MGST1: variants seen among roughly 807,000 people sequenced by gnomAD.
The protein encoded by MGST1 is glutathione S-transferase 12.
In MGST1, 5 loss-of-function variants were observed where a neutral mutation model predicts 8.9. The observed-to-expected ratio is 0.56, with a 90% confidence interval of 0.29 to 1.19. The LOEUF (loss-of-function observed/expected upper bound fraction) is 1.19. Ranked by LOEUF, MGST1 falls within the 50% of genes most tolerant of loss-of-function variation. The pLI, the probability that MGST1 is intolerant of heterozygous loss-of-function variation, is 0.08. For missense variants in MGST1, 182 were observed against 187.4 expected, an observed-to-expected ratio of 0.97 and a Z score of 0.17; for synonymous variants, 54 against 67.8, an observed-to-expected ratio of 0.80 and a Z score of 1.00.
intron 4 of MGST1, among the ~76,000 whole-genome samples, chr12:16,533,135 T>G (rs1458184439): frequency 6.6e-6 from 1 of 152,202 alleles, no homozygotes; most frequent in Admixed American, 6.5e-5. Flanking sequence ...GATTTTCTGG[T>G]TTTGCTTCAT....
Position 16,386,794 on chromosome 12 carries a change from C to T in MGST1, n.778+3190C>T, listed in dbSNP as rs73064191. ...TGGAAATTTCCAGAAATAAGCAACT[C>T]GTAAGTTTTAAATTGTGTGCCACTC... On this transcript the variant is annotated intron_variant and non_coding_transcript_variant, in intron 1 of 1. Coordinates refer to the MGST1 transcript ENST00000359720. Among the ~76,000 whole-genome samples the T allele has an allele frequency of 7.4e-3, 1,131 of 152,204 alleles. 10 individuals are homozygous for T. The highest frequency in any genetic ancestry group is 9.6e-3 in the Non-Finnish European group (654 of 68,006).
chr12:16,534,767 G>A (rs558764954), intron 4 of MGST1, among the ~76,000 whole-genome samples: 1 of 147,790 alleles, frequency 6.8e-6, no homozygotes, highest in African/African-American at 2.5e-5. Flanking sequence ...TTCTCAACTT[G>A]AACGTTCTTT....
At chr12:16,491,943 A>C (rs1170254811) in intron 4 of MGST1, among the ~76,000 whole-genome samples, 1 of 152,218 alleles carries the variant, frequency 6.6e-6, no homozygotes, top group Non-Finnish European at 1.5e-5. Context: ...ATATCAAGGT[A>C]GCACCAAATG....
chr12:16,468,390 C>T (rs955657587), intron 4 of MGST1, among the ~76,000 whole-genome samples: 1 of 11,870 alleles, frequency 8.4e-5, no homozygotes, highest in Admixed American at 1.7e-3. Flanking sequence ...TCATTTGTAT[C>T]GGGTCTCGTT....
Position 16,357,625 on chromosome 12 carries a change from C to G in MGST1, c.147C>G (p.Asp49Glu), listed in dbSNP as rs777688982. 6.2e-7 allele frequency: 1 copy of G among 1,613,470 alleles called. No homozygotes were observed. The change falls in exon 3 of 4, where the codon GAC (aspartate) becomes GAG (glutamate). Residue 49 changes from aspartate to glutamate, a missense_variant. Physicochemically the swap from Asp to Glu is conservative, Grantham distance 45. Coordinates refer to ENST00000396210, the MANE Select transcript of MGST1 (RefSeq NM_020300.5). ...GATAGGTTTTTGCCAATCCAGAAGA[C>G]TGTGTAGCATTTGGCAAAGGAGAAA... ...LTRKVFANPE[D>E]CVAFGKGENA...
intron 4 of MGST1, among the ~76,000 whole-genome samples, chr12:16,499,732 C>T (rs576057320): frequency 2.4e-4 from 37 of 151,824 alleles, no homozygotes; most frequent in Non-Finnish European, 3.7e-4. Flanking sequence ...TTCATTTGCT[C>T]AAGCTCCGTT....
At chr12:16,530,530 C>T (rs564726136) in intron 4 of MGST1, among the ~76,000 whole-genome samples, 58 of 152,182 alleles carry the variant, frequency 3.8e-4, no homozygotes, top group African/African-American at 1.3e-3. Flanking sequence ...GGCTGAAAAA[C>T]GAGATTGTCT....
chr12:16,477,386 A>ATTT, intron 4 of MGST1, among the ~76,000 whole-genome samples: 1 of 152,338 alleles, frequency 6.6e-6, no homozygotes, highest in African/African-American at 2.4e-5. Flanking sequence ...AATTTCATGT[A>ATTT]AAATGAAGCA....
intron 4 of MGST1, among the ~76,000 whole-genome samples, chr12:16,571,293 T>G (rs1942805847): frequency 6.6e-6 from 1 of 152,120 alleles, no homozygotes; most frequent in Non-Finnish European, 1.5e-5. Flanking sequence ...TTTATTGTAC[T>G]GAATTTCTTT....
downstream of MGST1, among the ~76,000 whole-genome samples, chr12:16,439,233 C>T (rs1012451315): frequency 2.0e-5 from 3 of 151,618 alleles, no homozygotes; most frequent in Non-Finnish European, 2.9e-5. Flanking sequence ...ATGACATGGG[C>T]AACATTAAAA....
chr12:16,397,781 T>C (rs1940618451), intron 1 of MGST1, among the ~76,000 whole-genome samples: 1 of 150,436 alleles, frequency 6.6e-6, no homozygotes, highest in African/African-American at 2.4e-5. Context: ...ATAGTATCTT[T>C]TTTTTTTTTG....
At chr12:16,419,135 C>T (rs1940811176) in intron 1 of MGST1, among the ~76,000 whole-genome samples, 1 of 152,158 alleles carries the variant, frequency 6.6e-6, no homozygotes, top group Non-Finnish European at 1.5e-5. Flanking sequence ...CAGGTCATCA[C>T]CAATCTTAGA....
rs1010017833 is a variant in MGST1 at position 16,453,262 on chromosome 12, A to G, written n.482+69658A>G. Among the ~76,000 whole-genome samples, 5 of 151,916 alleles carry G rather than the reference A, an allele frequency of 3.3e-5. 1 individual carries two copies. Among genetic ancestry groups the G allele is most frequent in the African/African-American group, 9.7e-5 (4 of 41,400 alleles). ...CCTTTTAGACTTCAAAGAGAAGGAA[A>G]TATGTTTAGGACCTTCCTGATATAA... On this transcript the variant is annotated intron_variant and non_coding_transcript_variant, in intron 4 of 4. Coordinates refer to the MGST1 transcript ENST00000538857.
At chr12:16,592,312 T>A (rs911457560), downstream of MGST1, among the ~76,000 whole-genome samples, 4 of 152,026 alleles carry the variant, frequency 2.6e-5, no homozygotes, top group African/African-American at 9.7e-5. Flanking sequence ...AAGAGATTCT[T>A]CTAGCTCAGG....
At chr12:16,495,164 G>A (rs1244512728) in intron 4 of MGST1, among the ~76,000 whole-genome samples, 1 of 152,068 alleles carries the variant, frequency 6.6e-6, no homozygotes, top group East Asian at 1.9e-4. Context: ...TTGAAATGCT[G>A]CAACATGGAT....
chr12:16,580,475 C>G lies in MGST1; in HGVS notation n.483-9053C>G, dbSNP rs906554153. Among the ~76,000 whole-genome samples the G allele has an allele frequency of 8.5e-5, 13 of 152,224 alleles. No homozygotes were observed. In the South Asian group the frequency reaches 2.7e-3, roughly 32 times the overall value. ...TTAAGAGAAACTTCATAGACATGAC[C>G]ATCAGATGTAAAGTGAAATCTTGGA... On this transcript the variant is annotated intron_variant and non_coding_transcript_variant, in intron 4 of 4. Transcript: ENST00000538857.
Position 16,362,035 on chromosome 12 carries a change from T to C in MGST1, c.222-1760T>C, listed in dbSNP as rs989180233. Among the ~76,000 whole-genome samples, 4 of 152,188 alleles carry C rather than the reference T, an allele frequency of 2.6e-5. No homozygotes were observed. Among genetic ancestry groups the C allele is most frequent in the Non-Finnish European group, 5.9e-5 (4 of 68,034 alleles). On this transcript the variant is annotated intron_variant, in intron 3 of 3. Coordinates refer to ENST00000396210, the MANE Select transcript of MGST1 (RefSeq NM_020300.5). The surrounding 1 kb of genome is among the most constrained non-coding windows in gnomAD (Gnocchi z 4.4). ...ATTGTTTTCCAGAGAGTCTCCTTTT[T>C]ATAGTTTCTTCCTCAACCTTAAAAT...
intron 1 of MGST1, among the ~76,000 whole-genome samples, chr12:16,426,028 G>T (rs557044414): frequency 6.6e-6 from 1 of 152,010 alleles, no homozygotes; most frequent in South Asian, 2.1e-4. Context: ...ACTCCTTATG[G>T]ACTCCTTGAT....
chr12:16,443,991 C>T (rs1941058847), intron 4 of MGST1, among the ~76,000 whole-genome samples: 2 of 151,874 alleles, frequency 1.3e-5, no homozygotes, highest in South Asian at 2.1e-4. Context: ...AGAAACAGAG[C>T]TATAATTTTT....
Sources: gnomAD v4.1 joint callset for allele counts (sites outside exome capture counted in the v4.1 genomes callset) on GRCh38, gnomAD v4.1.1 for gene constraint, Gnocchi (gnomAD v3.1) non-coding constraint, MANE v1.5 for transcripts, NCBI Gene and HGNC (gene_info 2026-07-23, HGNC 2026-07-21) for gene names.